The following SETX variants were observed in gnomAD, a reference collection of about 807,000 sequenced individuals.
SETX encodes helicase senataxin.
In SETX, 90 loss-of-function variants were observed where a neutral mutation model predicts 227.2. The observed-to-expected ratio is 0.40, with a 90% CI of 0.33 to 0.47. SETX has a LOEUF of 0.47. Ranked by LOEUF, SETX falls within the 20% of genes least tolerant of loss-of-function variation. SETX has a pLI of 0.91. For missense variants in SETX, 3,052 were observed against 3,181.5 expected (o/e 0.96, Z 0.98); for synonymous variants, 1,210 against 1,113.2 (o/e 1.09, Z -1.73).
chr9:132,288,335 A>G lies in SETX; in HGVS notation c.6225T>C (p.Ser2075=). The G allele has an allele frequency of 6.2e-7, 1 of 1,613,096 alleles. No individual in the cohort carries two copies. Among genetic ancestry groups the G allele is most frequent in the East Asian group, 2.2e-5 (1 of 44,886 alleles). The change falls in exon 17 of 26, where the codon TCT becomes TCC. Residue 2075 remains serine, a synonymous_variant. Coordinates refer to ENST00000224140, the MANE Select transcript of SETX (RefSeq NM_015046.7). ...TTCTTTTATGCATCGCCTGAACATG[A>G]GAAGGTAACTCTTTTTCTAATAAAA... ...VNHRMKKELP[S]HVQAMHKRKE... is the part of the protein sequence containing the mutation.
chr9:132,297,661 T>C (rs1844751069), intron 13 of SETX, among the ~76,000 whole-genome samples: 1 of 152,228 alleles, frequency 6.6e-6, no homozygotes, highest in South Asian at 2.1e-4. Flanking sequence ...AAATAGTTAG[T>C]TTCCTTTTGC....
chr9:132,288,028 T>A (rs1281083685), intron 17 of SETX, among the ~76,000 whole-genome samples: 4 of 152,000 alleles, frequency 2.6e-5, no homozygotes, highest in African/African-American at 9.7e-5. Flanking sequence ...TACAGAAAAT[T>A]AGCCAGGTGT....
At chr9:132,291,875 G>C (rs1342127453) in intron 15 of SETX, among the ~76,000 whole-genome samples, 1 of 152,108 alleles carries the variant, frequency 6.6e-6, no homozygotes, top group African/African-American at 2.4e-5. Flanking sequence ...ATGCCCACAA[G>C]AAAGTAGAGG....
Position 132,346,310 on chromosome 9 carries a change from A to G in SETX, c.339T>C (p.Pro113=), listed in dbSNP as rs748582841. The G allele has an allele frequency of 4.3e-6, 7 of 1,613,996 alleles. No individual in the cohort carries two copies. Among genetic ancestry groups the G allele is most frequent in the Non-Finnish European group, 5.9e-6 (7 of 1,180,006 alleles). The change falls in exon 4 of 26, where the codon CCT becomes CCC. Residue 113 remains proline, a synonymous_variant. Coordinates refer to ENST00000224140, the MANE Select transcript of SETX (RefSeq NM_015046.7). ...AAGGATATTTCAGTATTTCAAGAAG[A>G]GGAACTCGAAGCTTATTTTCAAAGT... ...GQDFENKLRV[P]LLEILKYPYL...
chr9:132,326,261 TCAG>T, intron 10 of SETX, 60 bp downstream of exon 10: 5 of 1,278,130 alleles, frequency 3.9e-6, no homozygotes, highest in Non-Finnish European at 5.6e-6. Context: ...TCATTTTCAC[TCAG>T]CAAGGTAAAG....
chr9:132,266,611 A>G (rs868818308), intron 25 of SETX, among the ~76,000 whole-genome samples: 2 of 152,144 alleles, frequency 1.3e-5, no homozygotes, highest in Non-Finnish European at 2.9e-5. Context: ...GTCTCTACTA[A>G]AAATACAAAA....
At position 132,264,996 on chromosome 9, in the gene SETX, T is replaced by C. The variant is rs374723252; in HGVS notation, c.7288-11A>G. ...CCAATGCTGGTTTTCCTTGAAACAA[T>C]GAGAAGGGAGAAATAATTACACCCC... On this transcript the variant is annotated splice_polypyrimidine_tract_variant and intron_variant, in intron 25 of 25. Coordinates refer to ENST00000224140, the MANE Select transcript of SETX (RefSeq NM_015046.7). 17 of 1,612,174 alleles carry C rather than the reference T, an allele frequency of 1.1e-5. No individual in the cohort carries two copies. In the African/African-American group the frequency reaches 1.9e-4, roughly 18 times the overall value.
intron 10 of SETX, among the ~76,000 whole-genome samples, chr9:132,324,681 C>T (rs1394979469): frequency 6.6e-6 from 1 of 152,226 alleles, no homozygotes; most frequent in Non-Finnish European, 1.5e-5. Context: ...AGACCTCACA[C>T]CTGTCTTGTT....
Position 132,329,248 on chromosome 9 carries a change from T to C in SETX, c.2350A>G (p.Lys784Glu). ...GATAACTTTGCACAGATTTCATCTT[T>C]CTGTACCTTAGTTTTTCGTTTTGAG... is the stretch of plus-strand genomic sequence containing the variant. ...KTSKRKTKVQ[K>E]DEICAKLSHV... The change falls in exon 10 of 26, where the codon AAA (lysine) becomes GAA (glutamate). Residue 784 changes from lysine to glutamate, a missense_variant. By Grantham distance (56) the Lys-to-Glu change is moderately conservative. Around this residue, in one of 10 missense-constraint regions of SETX, gnomAD observed 1,483 missense variants for 1,312.0 expected, o/e 1.13. Transcript: ENST00000224140. The C allele has an allele frequency of 1.2e-6, 2 of 1,613,998 alleles. No individual in the cohort carries two copies. The highest frequency in any genetic ancestry group is 2.2e-5 in the East Asian group (1 of 44,842).
At chr9:132,313,133 G>A (rs1325284833) in intron 10 of SETX, among the ~76,000 whole-genome samples, 2 of 152,238 alleles carry the variant, frequency 1.3e-5, no homozygotes, top group East Asian at 3.9e-4. Flanking sequence ...TAGGTCAACA[G>A]AAATGTTCTA....
intron 15 of SETX, among the ~76,000 whole-genome samples, chr9:132,290,309 G>C (rs1021292946): frequency 2.6e-5 from 4 of 151,998 alleles, no homozygotes; most frequent in African/African-American, 9.7e-5. Context: ...GGGCACAGTG[G>C]CTCACACCTG....
At chr9:132,318,959 A>G (rs1455241312) in intron 10 of SETX, among the ~76,000 whole-genome samples, 1 of 152,206 alleles carries the variant, frequency 6.6e-6, no homozygotes, top group African/African-American at 2.4e-5. Flanking sequence ...GCTGCCGCAC[A>G]GTTTCTCACA....
At chr9:132,331,480 TA>T (rs750421216) in intron 7 of SETX, 32 bp from the exon 8 acceptor site, 1 of 1,605,596 alleles carries the variant, frequency 6.2e-7, no homozygotes, top group South Asian at 1.1e-5. Context: ...GTTGAATTAC[TA>T]AACAGTTAGA....
At chr9:132,286,294 TGA>T in intron 18 of SETX, 127 bp downstream of exon 18, 1 of 695,110 alleles carries the variant, frequency 1.4e-6, no homozygotes, top group South Asian at 1.8e-5. Flanking sequence ...CACCCCAGCC[TGA>T]GAGACAGAGT....
chr9:132,264,143 T>G lies in SETX; in HGVS notation c.*96A>C. The G allele has an allele frequency of 1.9e-6, 3 of 1,563,620 alleles. No individual in the cohort carries two copies. Among genetic ancestry groups the G allele is most frequent in the Non-Finnish European group, 2.6e-6 (3 of 1,146,006 alleles). On this transcript the variant is annotated 3_prime_UTR_variant, in exon 26 of 26. Transcript: ENST00000224140. The stretch of plus-strand genomic sequence containing the variant: ...CCATGTTTTCCAACAGCACACAAAC[T>G]CCTTACAAAAAACAAGCTTATCTAG...
chr9:132,265,446 C>T (rs1842597820), intron 25 of SETX, among the ~76,000 whole-genome samples: 1 of 151,844 alleles, frequency 6.6e-6, no homozygotes, highest in South Asian at 2.1e-4. Flanking sequence ...AAGATGGTCT[C>T]GATCTCCTGA....
In SETX at chr9:132,264,732, T is replaced by C; in HGVS notation, c.7541A>G (p.Asp2514Gly). The C allele has an allele frequency of 2.5e-6, 4 of 1,614,102 alleles. No homozygotes were observed. The highest frequency in any genetic ancestry group is 3.4e-6 in the Non-Finnish European group (4 of 1,180,028). ...AACAGTAAGAGTAATTTCCTTGGAG[T>C]CAGAGGGTGTGTGGTATAGAGAAGC... ...VAASLYHTPS[D>G]SKEITLTVTS... is the part of the protein sequence containing the mutation. Residue 2514 changes from aspartate to glycine, a missense_variant, in exon 26 of 26, where the codon GAC (aspartate) becomes GGC (glycine). Asp to Gly is a moderately conservative substitution (Grantham distance 94). This residue lies in a region of SETX where 294 missense variants were observed against 278.8 expected (regional missense o/e 1.05). Coordinates refer to ENST00000224140, the MANE Select transcript of SETX (RefSeq NM_015046.7).
intron 10 of SETX, among the ~76,000 whole-genome samples, chr9:132,313,021 T>C (rs1216272243): frequency 6.6e-6 from 1 of 150,980 alleles, no homozygotes; most frequent in Non-Finnish European, 1.5e-5. Context: ...ATACATGACA[T>C]TTCCAGAAGA....
intron 6 of SETX, 82 bp downstream of exon 6, chr9:132,336,214 G>C (rs929802530): frequency 7.4e-5 from 84 of 1,135,136 alleles, no homozygotes; most frequent in Non-Finnish European, 1.6e-5. Flanking sequence ...CTGCACTCCA[G>C]CCTGGGCAAC....
Sources: allele counts gnomAD v4.1 joint callset (sites outside exome capture counted in the v4.1 genomes callset), GRCh38; gene constraint gnomAD v4.1.1; regional missense constraint gnomAD v4.1.1; transcripts MANE v1.5; gene names NCBI Gene and HGNC (gene_info 2026-07-23, HGNC 2026-07-21).